Variants in NRAP observed in about 807,000 individuals in gnomAD.
NRAP encodes nebulin-related-anchoring protein.
NRAP carries 189 observed loss-of-function variants against 225.9 expected under a neutral mutation model. That is an observed-to-expected ratio of 0.84 (90% confidence interval 0.74 to 0.94). The LOEUF is 0.94. NRAP is among the 40% of genes least tolerant of loss of function. NRAP has a pLI of 0.00. For synonymous variants in NRAP, 769 were observed against 790.7 expected, an observed-to-expected ratio of 0.97 and a Z score of 0.46; for missense variants, 2,176 against 2,168.7, an observed-to-expected ratio of 1.00 and a Z score of -0.07.
At chr10:113,589,134 C>G in intron 41 of NRAP, 55 bp from the exon 42 acceptor site, 1 of 1,460,568 alleles carries the variant, frequency 6.8e-7, no homozygotes, top group Non-Finnish European at 9.5e-7. Flanking sequence ...CCCCCACTCC[C>G]GGCCCCGGTT....
intron 32 of NRAP, 127 bp from the exon 33 acceptor site, chr10:113,606,409 A>C: frequency 1.6e-6 from 1 of 622,124 alleles, no homozygotes; most frequent in Non-Finnish European, 2.8e-6. Context: ...TGTCATGGAT[A>C]CATCTCCAGT....
intron 38 of NRAP, 103 bp from the exon 39 acceptor site, chr10:113,592,404 A>C (rs1363092656): frequency 2.9e-6 from 2 of 684,738 alleles, no homozygotes; most frequent in East Asian, 5.8e-5. Context: ...GTTGGTTCCT[A>C]GGACGGCACA....
At chr10:113,606,702 C>T (rs1490312541) in intron 32 of NRAP, among the ~76,000 whole-genome samples, 2 of 152,160 alleles carry the variant, frequency 1.3e-5, no homozygotes, top group Non-Finnish European at 2.9e-5. Flanking sequence ...GGATCCTTTC[C>T]ACAGGTGAAT....
chr10:113,624,084 G>T (rs1848152914), intron 22 of NRAP, among the ~76,000 whole-genome samples: 1 of 152,022 alleles, frequency 6.6e-6, no homozygotes, highest in Non-Finnish European at 1.5e-5. Context: ...TGCGCCTCCT[G>T]TTCTCTCTCC....
At chr10:113,657,283 C>A (rs1850365638) in intron 4 of NRAP, among the ~76,000 whole-genome samples, 187 bp downstream of exon 4, 1 of 152,096 alleles carries the variant, frequency 6.6e-6, no homozygotes, top group African/African-American at 2.4e-5. Flanking sequence ...TGAACCTGGT[C>A]TGGGGAAGAT....
rs143888548 is a variant in NRAP, at chr10:113,621,889, C to T, written c.2749G>A (p.Ala917Thr). 3.1e-4 allele frequency: 504 copies of T among 1,612,076 alleles called. 1 individual carries two copies. The highest frequency in any genetic ancestry group is 4.1e-4 in the Non-Finnish European group (485 of 1,178,492). Reference protein sequence around the residue: ...TDMKVEWAKKAYGLQSDNQYR... With the variant: ...TDMKVEWAKKTYGLQSDNQYR... The stretch of plus-strand genomic sequence containing the variant: ...CTTACATCACTCTGTAAGCCATAAG[C>T]CTTCTTGGCCCATTCCACCTTCATG... The change falls in exon 24 of 42, where the codon GCT becomes ACT. Residue 917 changes from alanine to threonine, a missense_variant. This residue lies in a region of NRAP where 1,708 missense variants were observed against 1,695.5 expected (regional missense o/e 1.01). Coordinates refer to ENST00000359988, the MANE Select transcript of NRAP (RefSeq NM_198060.4).
In NRAP at chr10:113,621,864, C is replaced by T; in HGVS notation, c.2769+5G>A. The T allele has an allele frequency of 6.2e-7, 1 of 1,603,276 alleles. No homozygotes were observed. The highest frequency in any genetic ancestry group is 1.1e-5 in the South Asian group (1 of 89,528). On this transcript the variant is annotated splice_donor_5th_base_variant and intron_variant, in intron 24 of 41. Coordinates refer to ENST00000359988, the MANE Select transcript of NRAP (RefSeq NM_198060.4). ...CACAAGTGCACACACTCACACAGAG[C>T]TTACATCACTCTGTAAGCCATAAGC...
chr10:113,620,195 C>T (rs560754976), intron 25 of NRAP, among the ~76,000 whole-genome samples: 31 of 152,212 alleles, frequency 2.0e-4, no homozygotes, highest in African/African-American at 5.8e-4. Flanking sequence ...ACATGGTGGC[C>T]ACCACGTGAA....
At chr10:113,602,555 A>G (rs1274983322) in intron 35 of NRAP, among the ~76,000 whole-genome samples, 1 of 152,226 alleles carries the variant, frequency 6.6e-6, no homozygotes, top group Non-Finnish European at 1.5e-5. Context: ...ACTCTGCTTG[A>G]TGGTGAATGA....
At chr10:113,615,520 C>G (rs949909942) in intron 27 of NRAP, among the ~76,000 whole-genome samples, 192 bp downstream of exon 27, 1 of 152,162 alleles carries the variant, frequency 6.6e-6, no homozygotes, top group Non-Finnish European at 1.5e-5. Flanking sequence ...GCAGGACCAG[C>G]TACATAATGT....
At chr10:113,647,303 A>C (rs541895794) in intron 9 of NRAP, among the ~76,000 whole-genome samples, 3 of 151,720 alleles carry the variant, frequency 2.0e-5, no homozygotes, top group African/African-American at 7.3e-5. Context: ...ACACTCTACC[A>C]CTCTCCCAGG....
At chr10:113,641,675 G>C (rs1746889694) in intron 12 of NRAP, among the ~76,000 whole-genome samples, 1 of 152,150 alleles carries the variant, frequency 6.6e-6, no homozygotes, top group Admixed American at 6.5e-5. Flanking sequence ...GTTGGAGTAA[G>C]ACAGGAAGAC....
Position 113,631,937 on chromosome 10 carries a change from T to G in NRAP, c.1660A>C (p.Thr554Pro). ...TTCATCTCAAATCCTTTCCCCTTTG[T>G]CTTCTCCCAGCCTTCTTTATACTTA... ...EVKYKEGWEK[T>P]KGKGFEMKLD... The change falls in exon 17 of 42, where the codon ACA (threonine) becomes CCA (proline). Residue 554 changes from threonine (T) to proline (P), a missense_variant. By Grantham distance (38) the Thr-to-Pro change is conservative. Coordinates refer to ENST00000359988, the MANE Select transcript of NRAP (RefSeq NM_198060.4). 1 of 1,612,868 alleles carries G rather than the reference T, an allele frequency of 6.2e-7. No homozygotes were observed. The highest frequency in any genetic ancestry group is 2.2e-5 in the East Asian group (1 of 44,882).
At position 113,644,463 on chromosome 10, in the gene NRAP, C is replaced by T. The variant is rs181752089; in HGVS notation, c.1110+1362G>A. Among the ~76,000 whole-genome samples the T allele has an allele frequency of 7.2e-3, 1,104 of 152,284 alleles. 13 individuals are homozygous for T. Among genetic ancestry groups the T allele is most frequent in the African/African-American group, 0.025 (1,027 of 41,552 alleles). On this transcript the variant is annotated intron_variant, in intron 11 of 41. Coordinates refer to ENST00000359988, the MANE Select transcript of NRAP (RefSeq NM_198060.4). Reference sequence around the variant, plus strand: ...ATACTCAACTCTGCCCTTGTAGCTCCAAAGCAGCCACAGATAATCCAGGAA... The same window carrying T: ...ATACTCAACTCTGCCCTTGTAGCTCTAAAGCAGCCACAGATAATCCAGGAA...
intron 31 of NRAP, among the ~76,000 whole-genome samples, chr10:113,609,479 A>G (rs2105383): frequency 0.068 from 10,403 of 152,300 alleles, 430 homozygotes; most frequent in South Asian, 0.11. Flanking sequence ...CCCTGCATCT[A>G]CCATGAATTA....
In NRAP at chr10:113,639,760, G is replaced by T. The variant is rs530823545; in HGVS notation, c.1428+467C>A. Among the ~76,000 whole-genome samples the T allele has an allele frequency of 4.6e-5, 7 of 152,306 alleles. No individual in the cohort carries two copies. In the South Asian group the frequency reaches 1.5e-3, roughly 32 times the overall value. The stretch of plus-strand genomic sequence containing the variant: ...AAAATCGCTGCTGTAATAATTAAGG[G>T]ATACATATACTTTTCCATGTGCTCC... On this transcript the variant is annotated intron_variant, in intron 14 of 41. Coordinates refer to ENST00000359988, the MANE Select transcript of NRAP (RefSeq NM_198060.4).
rs548453215 is a variant in NRAP, at chr10:113,596,595, T to C, written c.4431+491A>G. Among the ~76,000 whole-genome samples, 267 of 152,332 alleles carry C rather than the reference T, an allele frequency of 1.8e-3. 3 individuals carry two copies. Among genetic ancestry groups the C allele is most frequent in the African/African-American group, 6.2e-3 (258 of 41,576 alleles). ...AAGCTTTAAATACAGCTGTTCCTAT[T>C]TTTTTCTTAACTGGGTTATATTAAG... On this transcript the variant is annotated intron_variant, in intron 37 of 41. Coordinates refer to ENST00000359988, the MANE Select transcript of NRAP (RefSeq NM_198060.4).
intron 38 of NRAP, among the ~76,000 whole-genome samples, chr10:113,593,075 T>C (rs953777495): frequency 1.3e-5 from 2 of 152,128 alleles, no homozygotes; most frequent in Non-Finnish European, 2.9e-5. Context: ...GATAAGGGAA[T>C]GGCTCTATAA....
At chr10:113,589,586 TA>T in intron 41 of NRAP, 79 bp downstream of exon 41, 1 of 1,531,176 alleles carries the variant, frequency 6.5e-7, no homozygotes. Context: ...TGGCCAAAAA[TA>T]AACTTTGAAA....
Sources: gnomAD v4.1 joint callset for allele counts (sites outside exome capture counted in the v4.1 genomes callset) on GRCh38, gnomAD v4.1.1 for gene constraint, gnomAD v4.1.1 regional missense constraint, MANE v1.5 for transcripts, NCBI Gene and HGNC (gene_info 2026-07-23, HGNC 2026-07-21) for gene names.